SULF2: variants seen among roughly 807,000 people sequenced by gnomAD.
SULF2 encodes sulfatase 2.
In SULF2, 52 loss-of-function variants were observed where a neutral mutation model predicts 107.7. That is an observed-to-expected ratio of 0.48 (90% confidence interval 0.39 to 0.61). The LOEUF (loss-of-function observed/expected upper bound fraction) is 0.61. SULF2 is among the 20% of genes least tolerant of loss of function. The pLI is 0.00. For synonymous variants in SULF2, 460 were observed against 464.3 expected (o/e 0.99, Z 0.12); for missense variants, 993 against 1,177.3 (o/e 0.84, Z 2.29).
In SULF2 at chr20:47,785,326, C is replaced by T. The variant is rs1280396030; in HGVS notation, c.-101+17G>A. The T allele has an allele frequency of 1.4e-5, 2 of 146,656 alleles. No homozygotes were observed. The highest frequency in any genetic ancestry group is 5.0e-5 in the African/African-American group (2 of 39,890). 9.1% of individuals were successfully genotyped at this position (146,656 alleles called of 1,614,324 possible). A position where few individuals can be genotyped will look rare whatever the true frequency, so the allele number is the denominator to read the frequency against. ...CGCGTCCCCCAGCCACCCACCTGCC[C>T]CCCACGCCCCACTCACCAGCGCGCA... On this transcript the variant is annotated intron_variant, in intron 1 of 20. Coordinates refer to ENST00000688720, the MANE Select transcript of SULF2 (RefSeq NM_001387048.1).
intron 18 of SULF2, 178 bp downstream of exon 18, chr20:47,661,595 C>T: frequency 2.0e-6 from 1 of 488,734 alleles, no homozygotes; most frequent in Non-Finnish European, 3.5e-6. Flanking sequence ...TCAGGAATCA[C>T]AGCTTGTTAA....
At chr20:47,767,191 G>A (rs2090544024) in intron 1 of SULF2, among the ~76,000 whole-genome samples, 1 of 152,208 alleles carries the variant, frequency 6.6e-6, no homozygotes, top group Non-Finnish European at 1.5e-5. Flanking sequence ...GGAAAGTGAG[G>A]ACACCTACAA....
chr20:47,740,001 G>A (rs748745535), intron 2 of SULF2, among the ~76,000 whole-genome samples: 25 of 152,120 alleles, frequency 1.6e-4, no homozygotes, highest in African/African-American at 5.8e-4. Context: ...TTACCTGCCC[G>A]ACCCCTGAAG....
rs1404020117 is a variant in SULF2, at chr20:47,771,531, C to T, written c.-101+13812G>A. Among the ~76,000 whole-genome samples the T allele has an allele frequency of 2.0e-5, 3 of 152,198 alleles. No individual in the cohort carries two copies. The South Asian group carries it at 6.2e-4, about 31-fold the overall frequency. The stretch of plus-strand genomic sequence containing the variant: ...CGTTTGGGGAAAAAGGCCCCAACCT[C>T]CCCCAGCTCTTCCCTTCTGCAGAGG... On this transcript the variant is annotated intron_variant, in intron 1 of 20. Coordinates refer to ENST00000688720, the MANE Select transcript of SULF2 (RefSeq NM_001387048.1).
Position 47,663,176 on chromosome 20 carries a change from T to C in SULF2, c.2264A>G (p.Asn755Ser), listed in dbSNP as rs2087142802. Residue 755 changes from asparagine to serine, a missense_variant, in exon 17 of 21, where the codon AAC (asparagine) becomes AGC (serine). Transcript: ENST00000688720. ...PFCACTSANN[N>S]TYWCMRTINE... ...GATGGTCCTCATGCACCAGTACGTG[T>C]TATTGTTGGCGCTGGTGCAGGCACA... 1 of 1,614,002 alleles carries C rather than the reference T, an allele frequency of 6.2e-7. No homozygotes were observed. Among genetic ancestry groups the C allele is most frequent in the Non-Finnish European group, 8.5e-7 (1 of 1,180,012 alleles).
At chr20:47,749,610 G>C (rs978350531) in intron 2 of SULF2, among the ~76,000 whole-genome samples, 1 of 152,244 alleles carries the variant, frequency 6.6e-6, no homozygotes, top group African/African-American at 2.4e-5. Context: ...TTGAGCCTGC[G>C]ATTTGGAATT....
chr20:47,774,912 T>C (rs2090697682), intron 1 of SULF2, among the ~76,000 whole-genome samples: 1 of 152,156 alleles, frequency 6.6e-6, no homozygotes, highest in Non-Finnish European at 1.5e-5. Context: ...ATTTGTCGCA[T>C]TGGGATGGAA....
chr20:47,672,337 G>C lies in SULF2; in HGVS notation c.1437C>G (p.Gly479=), dbSNP rs1568793726. 1 of 1,613,164 alleles carries C rather than the reference G, an allele frequency of 6.2e-7. No homozygotes were observed. The change falls in exon 11 of 21, where the codon GGC becomes GGG. Residue 479 remains glycine (G), a synonymous_variant. Coordinates refer to ENST00000688720, the MANE Select transcript of SULF2 (RefSeq NM_001387048.1). ...CTCTGCTGCCGCCCAGCCGCATGGG[G>C]CCCTTGCACTTATGCAGCTTCAGCT... The part of the protein sequence containing the change: ...TGKLKLHKCK[G]PMRLGGSRAL...
chr20:47,780,269 A>G (rs2090804989), intron 1 of SULF2, among the ~76,000 whole-genome samples: 1 of 151,916 alleles, frequency 6.6e-6, no homozygotes, highest in East Asian at 1.9e-4. Flanking sequence ...TAACTGCCTC[A>G]GCCTCCCAAA....
intron 5 of SULF2, among the ~76,000 whole-genome samples, chr20:47,686,550 C>A (rs934698608): frequency 5.9e-5 from 9 of 152,194 alleles, no homozygotes; most frequent in Middle Eastern, 3.2e-3. Flanking sequence ...GTTTCCACTG[C>A]TTTTCACAGT....
At chr20:47,777,299 A>G (rs940228905) in intron 1 of SULF2, among the ~76,000 whole-genome samples, 20 of 152,164 alleles carry the variant, frequency 1.3e-4, no homozygotes, top group African/African-American at 4.8e-4. Flanking sequence ...TGAAACAGAA[A>G]GCAAAGTCTG....
At position 47,736,768 on chromosome 20, in the gene SULF2, G is replaced by T. The variant is rs2089741320; in HGVS notation, c.350C>A (p.Ser117Tyr). Residue 117 changes from serine to tyrosine, a missense_variant, in exon 3 of 21, where the codon TCC (serine) becomes TAC (tyrosine). By Grantham distance (144) the Ser-to-Tyr change is moderately radical (BLOSUM62 -2). Coordinates refer to ENST00000688720, the MANE Select transcript of SULF2 (RefSeq NM_001387048.1). The part of the protein sequence containing the change: ...YTNNENCSSP[S>Y]WQAQHESRTF... ...GCGGCTCTCGTGCTGTGCCTGCCAGGAGGGCGAGGAGCAGTTCTCATTGTT... is the reference window on the plus strand; with the variant it reads ...GCGGCTCTCGTGCTGTGCCTGCCAGTAGGGCGAGGAGCAGTTCTCATTGTT... 1.2e-6 allele frequency: 2 copies of T among 1,614,128 alleles called. No individual in the cohort carries two copies. Among genetic ancestry groups the T allele is most frequent in the Non-Finnish European group, 1.7e-6 (2 of 1,180,038 alleles).
intron 7 of SULF2, among the ~76,000 whole-genome samples, chr20:47,681,100 C>T (rs1014236953): frequency 3.9e-5 from 6 of 152,258 alleles, no homozygotes; most frequent in African/African-American, 1.4e-4. Context: ...GCTGACCCTG[C>T]CACAAGGAGA....
intron 2 of SULF2, among the ~76,000 whole-genome samples, chr20:47,751,991 T>C (rs546666670): frequency 1.3e-5 from 2 of 152,348 alleles, no homozygotes; most frequent in South Asian, 4.1e-4. Context: ...TATGTAACCA[T>C]GCCAGGCTCA....
intron 1 of SULF2, among the ~76,000 whole-genome samples, chr20:47,783,686 A>G (rs2090871363): frequency 6.6e-6 from 1 of 152,160 alleles, no homozygotes; most frequent in South Asian, 2.1e-4. Context: ...ACCCACATTG[A>G]CCCTCAGCTG....
intron 4 of SULF2, among the ~76,000 whole-genome samples, chr20:47,691,621 C>T (rs1462971729): frequency 1.3e-5 from 2 of 152,312 alleles, no homozygotes; most frequent in Non-Finnish European, 2.9e-5. Flanking sequence ...CAGGAATGTG[C>T]TTGCCATGTG....
chr20:47,740,136 G>A (rs932451567), intron 2 of SULF2, among the ~76,000 whole-genome samples: 3 of 152,196 alleles, frequency 2.0e-5, no homozygotes, highest in African/African-American at 7.2e-5. Flanking sequence ...ACTATCACTG[G>A]CTGAATGCTT....
At chr20:47,676,960 G>C (rs975371635) in intron 9 of SULF2, 118 bp downstream of exon 9, 2 of 1,145,498 alleles carry the variant, frequency 1.7e-6, no homozygotes, top group African/African-American at 3.1e-5. Context: ...GGGGCCTTTG[G>C]ACCAACTTCA....
intron 3 of SULF2, among the ~76,000 whole-genome samples, chr20:47,736,058 C>T (rs553630402): frequency 8.6e-4 from 131 of 152,144 alleles, no homozygotes; most frequent in Non-Finnish European, 1.6e-3. Flanking sequence ...TTTGCAATGG[C>T]GCTACAGGTA....
Sources: allele counts gnomAD v4.1 joint callset (sites outside exome capture counted in the v4.1 genomes callset), GRCh38; gene constraint gnomAD v4.1.1; transcripts MANE v1.5; gene names NCBI Gene and HGNC (gene_info 2026-07-23, HGNC 2026-07-21).